The following XKR4 variants were observed in gnomAD, a reference collection of about 807,000 sequenced individuals.
XKR4 encodes the protein XK related 4, also known as XK-related protein 4.
Under a neutral mutation model 53.9 loss-of-function variants are expected in XKR4, and 12 were observed. That is an observed-to-expected ratio of 0.22 (90% CI 0.14 to 0.36). The LOEUF (loss-of-function observed/expected upper bound fraction) is 0.36. Among genes scored for constraint, XKR4 ranks in the 10% least tolerant of loss-of-function variants. The pLI, the probability that XKR4 is intolerant of heterozygous loss-of-function variation, is 1.00. For missense variants in XKR4, 799 were observed against 859.5 expected, an observed-to-expected ratio of 0.93 and a Z score of 0.88; for synonymous variants, 354 against 362.4, an observed-to-expected ratio of 0.98 and a Z score of 0.26.
intron 1 of XKR4, among the ~76,000 whole-genome samples, chr8:55,288,124 G>A (rs913428220): frequency 2.0e-5 from 3 of 152,146 alleles, no homozygotes; most frequent in African/African-American, 7.2e-5. Context: ...TTCTTCCAAT[G>A]TGGCCCAGGG....
At chr8:55,396,579 T>A (rs1202472852) in intron 2 of XKR4, among the ~76,000 whole-genome samples, 1 of 152,104 alleles carries the variant, frequency 6.6e-6, no homozygotes, top group Non-Finnish European at 1.5e-5. Flanking sequence ...AAGTTCCATC[T>A]ATTTCACAGT....
At chr8:55,423,811 A>T (rs1804971525) in intron 2 of XKR4, among the ~76,000 whole-genome samples, 1 of 152,222 alleles carries the variant, frequency 6.6e-6, no homozygotes. Flanking sequence ...TGCAAGACAG[A>T]TCTTTGAAAT....
At chr8:55,463,135 T>C (rs1049452890) in intron 2 of XKR4, among the ~76,000 whole-genome samples, 13 of 152,260 alleles carry the variant, frequency 8.5e-5, no homozygotes, top group Admixed American at 6.5e-4. Context: ...CTAATAGACA[T>C]CTACAGAACT....
chr8:55,457,030 A>AC lies in XKR4; in HGVS notation c.1007-66251_1007-66250insC, dbSNP rs1805579826. ...AAGAGAAAATCTTGAAAAAAGAAAA[A>AC]AATGACTCATCAGATATGGAAAAAA... On this transcript the variant is annotated intron_variant, in intron 2 of 2. Coordinates refer to ENST00000327381, the MANE Select transcript of XKR4 (RefSeq NM_052898.2). 3.9e-5 allele frequency among the ~76,000 whole-genome samples: 6 copies of AC among 152,302 alleles called. No homozygotes were observed. In the South Asian group the frequency reaches 1.2e-3, roughly 32 times the overall value.
intron 2 of XKR4, among the ~76,000 whole-genome samples, chr8:55,507,029 T>G (rs893829307): frequency 2.6e-5 from 4 of 152,230 alleles, no homozygotes; most frequent in Admixed American, 2.0e-4. Flanking sequence ...AATCATTTAC[T>G]GAGATATGTT....
chr8:55,312,759 A>T (rs1819406612), intron 1 of XKR4, among the ~76,000 whole-genome samples: 1 of 152,094 alleles, frequency 6.6e-6, no homozygotes, highest in African/African-American at 2.4e-5. Flanking sequence ...TTTTGGGTTT[A>T]ATTTAAATTT....
At chr8:55,317,566 A>G (rs1483504895) in intron 1 of XKR4, among the ~76,000 whole-genome samples, 1 of 152,206 alleles carries the variant, frequency 6.6e-6, no homozygotes, top group African/African-American at 2.4e-5. Flanking sequence ...TGATTTATTT[A>G]TGGATAAGAG....
intron 1 of XKR4, among the ~76,000 whole-genome samples, chr8:55,124,197 G>A (rs1276725531): frequency 6.6e-6 from 1 of 152,098 alleles, no homozygotes; most frequent in Non-Finnish European, 1.5e-5. Flanking sequence ...CCAAGCTGGC[G>A]ACGCTGCTCA....
intron 1 of XKR4, among the ~76,000 whole-genome samples, chr8:55,153,173 T>C (rs1461193712): frequency 6.6e-6 from 1 of 152,172 alleles, no homozygotes; most frequent in Non-Finnish European, 1.5e-5. Context: ...AAGGTGACCT[T>C]TTTTGAGGGC....
chr8:55,310,896 T>C (rs1819378495), intron 1 of XKR4, among the ~76,000 whole-genome samples: 1 of 152,156 alleles, frequency 6.6e-6, no homozygotes, highest in Non-Finnish European at 1.5e-5. Flanking sequence ...ACAGAGGGTG[T>C]TATAGGGTCA....
intron 1 of XKR4, among the ~76,000 whole-genome samples, chr8:55,208,600 A>G (rs1469339232): frequency 6.6e-6 from 1 of 151,498 alleles, no homozygotes; most frequent in East Asian, 1.9e-4. Context: ...CCAAGTAGCT[A>G]GGAGTACAGG....
chr8:55,270,130 C>A (rs1818666618), intron 1 of XKR4, among the ~76,000 whole-genome samples: 1 of 152,146 alleles, frequency 6.6e-6, no homozygotes, highest in Admixed American at 6.5e-5. Flanking sequence ...GTGTTCCCTG[C>A]ACTCTGGTTA....
At chr8:55,432,078 C>A (rs1805112337) in intron 2 of XKR4, among the ~76,000 whole-genome samples, 1 of 152,208 alleles carries the variant, frequency 6.6e-6, no homozygotes, top group South Asian at 2.1e-4. Flanking sequence ...TCTATAATTT[C>A]AAATGCCTTC....
intron 2 of XKR4, among the ~76,000 whole-genome samples, chr8:55,427,191 C>T (rs1285511453): frequency 1.3e-5 from 2 of 152,118 alleles, no homozygotes; most frequent in Non-Finnish European, 2.9e-5. Flanking sequence ...TGATGCTCTA[C>T]TATACATAGA....
chr8:55,414,576 T>A (rs1249682471), intron 2 of XKR4, among the ~76,000 whole-genome samples: 1 of 150,460 alleles, frequency 6.6e-6, no homozygotes, highest in Non-Finnish European at 1.5e-5. Context: ...ATATAATATA[T>A]ATATAATCTC....
At chr8:55,161,590 T>G in intron 1 of XKR4, 1 of 456,318 alleles carries the variant, frequency 2.2e-6, no homozygotes, top group South Asian at 1.5e-5. Context: ...TTGTCTGCAT[T>G]TGTTAGATGT....
At chr8:55,215,944 A>G (rs2129364470) in intron 1 of XKR4, among the ~76,000 whole-genome samples, 1 of 152,368 alleles carries the variant, frequency 6.6e-6, no homozygotes, top group African/African-American at 2.4e-5. Context: ...TGTAGATGGC[A>G]TGATTGTCTA....
At chr8:55,141,873 TG>T (rs1311806342) in intron 1 of XKR4, among the ~76,000 whole-genome samples, 2 of 151,628 alleles carry the variant, frequency 1.3e-5, no homozygotes, top group Non-Finnish European at 2.9e-5. Flanking sequence ...CATAGAGGGG[TG>T]GGGGGTCCCG....
At chr8:55,365,225 C>T (rs892271658) in intron 2 of XKR4, among the ~76,000 whole-genome samples, 12 of 152,286 alleles carry the variant, frequency 7.9e-5, no homozygotes, top group East Asian at 1.9e-4. Flanking sequence ...CTGCTGTGCG[C>T]GCTGGCTGCC....
Sources: allele counts gnomAD v4.1 joint callset (sites outside exome capture counted in the v4.1 genomes callset), GRCh38; gene constraint gnomAD v4.1.1; transcripts MANE v1.5; gene names NCBI Gene and HGNC (gene_info 2026-07-23, HGNC 2026-07-21).